Variants in CACNA1I observed in about 807,000 individuals in gnomAD.
CACNA1I encodes the protein calcium voltage-gated channel subunit alpha1 I, also known as voltage-dependent T-type calcium channel subunit alpha-1I.
In CACNA1I, 74 loss-of-function variants were observed where a neutral mutation model predicts 201.6. The observed-to-expected ratio is 0.37, with a 90% confidence interval of 0.30 to 0.45. The LOEUF is 0.45. Among genes scored for constraint, CACNA1I ranks in the 20% least tolerant of loss-of-function variants. CACNA1I has a pLI of 1.00. For synonymous variants in CACNA1I, 1,431 were observed against 1,345.2 expected (o/e 1.06, Z -1.40); for missense variants, 2,346 against 3,138.1 (o/e 0.75, Z 6.03).
intron 1 of CACNA1I, among the ~76,000 whole-genome samples, chr22:39,588,455 G>A (rs1241252788): frequency 2.7e-5 from 4 of 147,088 alleles, no homozygotes; most frequent in South Asian, 2.1e-4. Context: ...GCGTGATCTC[G>A]GCTCACTGCA....
intron 3 of CACNA1I, among the ~76,000 whole-genome samples, chr22:39,610,053 G>A (rs1009246611): frequency 6.6e-6 from 1 of 152,214 alleles, no homozygotes; most frequent in African/African-American, 2.4e-5. Context: ...CTTTGGAGCT[G>A]GCCTTCCTGC....
chr22:39,601,694 G>T (rs554634222), intron 3 of CACNA1I, among the ~76,000 whole-genome samples: 3 of 152,090 alleles, frequency 2.0e-5, no homozygotes, highest in Admixed American at 2.0e-4. Flanking sequence ...GAGACGGACA[G>T]TCAGGGTGTG....
At chr22:39,660,754 G>T (rs1473430511) in intron 15 of CACNA1I, among the ~76,000 whole-genome samples, 2 of 151,990 alleles carry the variant, frequency 1.3e-5, no homozygotes, top group East Asian at 3.9e-4. Context: ...GCACTACTGG[G>T]CATCTTGGAA....
intron 3 of CACNA1I, among the ~76,000 whole-genome samples, chr22:39,602,697 C>G (rs1360350856): frequency 6.6e-6 from 1 of 152,108 alleles, no homozygotes; most frequent in Non-Finnish European, 1.5e-5. Flanking sequence ...CCATTCAAAC[C>G]TACACTATAG....
rs1935551824 is a variant in CACNA1I, at chr22:39,677,567, T to G, written c.4933+148T>G. On this transcript the variant is annotated intron_variant, in intron 30 of 36. Transcript: ENST00000402142. The surrounding 1 kb of genome is among the most constrained non-coding windows in gnomAD (Gnocchi z 4.8). ...GCCTACAGCAGGGCCCTCAGCTGTC[T>G]GGTCTCCCAGGAAAACTGCCCTCCC... The G allele has an allele frequency of 4.7e-6, 3 of 637,844 alleles. No homozygotes were observed. The highest frequency in any genetic ancestry group is 3.7e-5 in the African/African-American group (2 of 54,136). 39.5% of individuals were successfully genotyped at this position (637,844 alleles called of 1,614,324 possible). A position where few individuals can be genotyped will look rare whatever the true frequency, so the allele number is the denominator to read the frequency against.
intron 17 of CACNA1I, 115 bp from the exon 18 acceptor site, chr22:39,662,661 G>C (rs1450349490): frequency 2.5e-6 from 2 of 789,486 alleles, no homozygotes; most frequent in African/African-American, 1.7e-5. Flanking sequence ...CTGCCCCCGG[G>C]GGGCAGAGAG....
rs781305925 is a variant in CACNA1I at position 39,677,957 on chromosome 22, G to A, written c.4934-30G>A. The A allele has an allele frequency of 7.7e-6, 12 of 1,561,864 alleles. No homozygotes were observed. Among genetic ancestry groups the A allele is most frequent in the Admixed American group, 5.6e-5 (3 of 53,448 alleles). On this transcript the variant is annotated intron_variant, in intron 30 of 36. Transcript: ENST00000402142. This position sits in a 1 kb window ranked among gnomAD's most constrained non-coding sequence, Gnocchi z 4.8. ...TGAGCCCCGCAGGCACTCCGCCATCGGGCAGGGCTGACCTCCTCCCCGCTT... is the reference window on the plus strand; with the variant it reads ...TGAGCCCCGCAGGCACTCCGCCATCAGGCAGGGCTGACCTCCTCCCCGCTT...
intron 29 of CACNA1I, among the ~76,000 whole-genome samples, chr22:39,675,891 G>A (rs1055908214): frequency 1.3e-5 from 2 of 152,204 alleles, no homozygotes; most frequent in Non-Finnish European, 2.9e-5. Context: ...GCTGGGAGGG[G>A]GGTCCCTGGG....
Position 39,679,283 on chromosome 22 carries a change from C to G in CACNA1I, c.5232C>G (p.Ala1744=), listed in dbSNP as rs369092716. The G allele has an allele frequency of 2.2e-4, 342 of 1,574,064 alleles. 2 individuals carry two copies. In the African/African-American group the frequency reaches 4.0e-3, roughly 19 times the overall value. The change falls in exon 32 of 37, where the codon GCC becomes GCG. Residue 1744 remains alanine (A), a synonymous_variant. Coordinates refer to ENST00000402142, the MANE Select transcript of CACNA1I (RefSeq NM_021096.4). ...DDSNKEAQED[A]EMDAELELEM... ...GCAACAAGGAGGCGCAGGAGGACGC[C>G]GAGATGGATGCCGAGCTCGAGCTGG... is the stretch of plus-strand genomic sequence containing the variant.
intron 18 of CACNA1I, among the ~76,000 whole-genome samples, chr22:39,663,110 C>T (rs1466146763): frequency 6.6e-6 from 1 of 152,178 alleles, no homozygotes; most frequent in Non-Finnish European, 1.5e-5. Context: ...TCAGCCTTGG[C>T]TTCCAAGATC....
chr22:39,680,501 G>A (rs1243382293), intron 33 of CACNA1I, among the ~76,000 whole-genome samples: 2 of 152,204 alleles, frequency 1.3e-5, no homozygotes, highest in East Asian at 1.9e-4. Context: ...GCCCTGTGGT[G>A]GCTGCAGATT....
intron 1 of CACNA1I, among the ~76,000 whole-genome samples, chr22:39,589,973 C>G (rs762888911): frequency 2.0e-5 from 3 of 152,198 alleles, no homozygotes; most frequent in African/African-American, 4.8e-5. Context: ...CTCCCGCCCC[C>G]ACCAGCCTCC....
chr22:39,683,205 C>T (rs1033425910), intron 35 of CACNA1I, among the ~76,000 whole-genome samples: 7 of 152,228 alleles, frequency 4.6e-5, no homozygotes, highest in African/African-American at 1.7e-4. Flanking sequence ...GGGGACTAAG[C>T]TGGCCTGCCA....
rs1033623337 is a variant in CACNA1I, at chr22:39,687,936, T to C, written c.*1531T>C. 3 of 152,202 alleles carry C rather than the reference T, an allele frequency of 2.0e-5. No individual in the cohort carries two copies. The highest frequency in any genetic ancestry group is 7.2e-5 in the African/African-American group (3 of 41,440). The allele number at this position is 152,202 out of a possible 1,614,324, so 9.4% of individuals were successfully genotyped here. Reference sequence around the variant, plus strand: ...GCAGGGGCCACGAGTTTGCAGATGCTGTACTTCAGCAATAACCTTGCCTTT... The same window carrying C: ...GCAGGGGCCACGAGTTTGCAGATGCCGTACTTCAGCAATAACCTTGCCTTT... On this transcript the variant is annotated 3_prime_UTR_variant, in exon 37 of 37. Transcript: ENST00000402142.
At chr22:39,672,913 A>C in intron 27 of CACNA1I, 36 bp from the exon 28 acceptor site, 1 of 1,593,874 alleles carries the variant, frequency 6.3e-7, no homozygotes, top group Non-Finnish European at 8.6e-7. Flanking sequence ...GATCCTCCTC[A>C]TGCCCACTCC....
In CACNA1I at chr22:39,582,942, A is replaced by G. The variant is rs1932606060; in HGVS notation, c.236+11954A>G. ...CATCTAACCATCCATCCATCCAAGC[A>G]TCCAACTATCCATCCATCCAACAAT... is the stretch of plus-strand genomic sequence containing the variant. On this transcript the variant is annotated intron_variant, in intron 1 of 36. Transcript: ENST00000402142. 2.2e-5 allele frequency among the ~76,000 whole-genome samples: 3 copies of G among 133,750 alleles called. No homozygotes were observed. The South Asian group carries it at 8.0e-4, about 36-fold the overall frequency. 87.7% of individuals were successfully genotyped at this position (133,750 alleles called of 152,430 possible). A position where few individuals can be genotyped will look rare whatever the true frequency, so the allele number is the denominator to read the frequency against.
intron 4 of CACNA1I, among the ~76,000 whole-genome samples, chr22:39,622,610 T>TG (rs930070060): frequency 6.6e-3 from 38 of 5,722 alleles, no homozygotes; most frequent in African/African-American, 0.017. Context: ...GGGGGGGCGG[T>TG]GGGGGGGGCA....
chr22:39,605,178 C>T (rs965325680), intron 3 of CACNA1I, among the ~76,000 whole-genome samples: 28 of 151,164 alleles, frequency 1.9e-4, no homozygotes, highest in Non-Finnish European at 3.8e-4. Flanking sequence ...CTTCCTCTAC[C>T]TCCCCTTCCC....
intron 1 of CACNA1I, among the ~76,000 whole-genome samples, chr22:39,588,291 C>T (rs1932780760): frequency 6.6e-6 from 1 of 151,668 alleles, no homozygotes. Flanking sequence ...TGCCGGCAAA[C>T]TCAGCTGTTC....
Sources: allele counts gnomAD v4.1 joint callset (sites outside exome capture counted in the v4.1 genomes callset), GRCh38; gene constraint gnomAD v4.1.1; non-coding constraint Gnocchi (gnomAD v3.1); transcripts MANE v1.5; gene names NCBI Gene and HGNC (gene_info 2026-07-23, HGNC 2026-07-21).